ACTN4: variants seen among roughly 807,000 people sequenced by gnomAD.
ACTN4 encodes alpha-actinin-4.
In ACTN4, 18 loss-of-function variants were observed where a neutral mutation model predicts 114.2. The observed-to-expected ratio is 0.16, with a 90% CI of 0.11 to 0.23. The LOEUF (loss-of-function observed/expected upper bound fraction) is 0.23, where lower values mean the gene tolerates loss of function less well. Ranked by LOEUF, ACTN4 falls within the 10% of genes least tolerant of loss-of-function variation. The pLI is 1.00. For missense variants in ACTN4, 722 were observed against 1,262.9 expected, an observed-to-expected ratio of 0.57 and a Z score of 6.49; for synonymous variants, 515 against 506.3, an observed-to-expected ratio of 1.02 and a Z score of -0.23.
chr19:38,729,255 C>T lies in ACTN4; in HGVS notation c.2578-19C>T. 2.5e-6 allele frequency: 4 copies of T among 1,612,758 alleles called. No homozygotes were observed. The South Asian group carries it at 4.4e-5, about 18-fold the overall frequency. On this transcript the variant is annotated intron_variant, in intron 20 of 20. Coordinates refer to ENST00000252699, the MANE Select transcript of ACTN4 (RefSeq NM_004924.6). ...TGTGTGGGTGGGGATGGCTCAGAGT[C>T]CCATCCTGCCTGCCCCAGAACTTCA...
intron 1 of ACTN4, among the ~76,000 whole-genome samples, chr19:38,659,329 T>G (rs1355313065): frequency 6.6e-6 from 1 of 152,078 alleles, no homozygotes; most frequent in Non-Finnish European, 1.5e-5. Context: ...AGTGCTGGGA[T>G]TACAGGTATG....
At chr19:38,715,920 A>G (rs951370927) in intron 9 of ACTN4, among the ~76,000 whole-genome samples, 2 of 152,100 alleles carry the variant, frequency 1.3e-5, no homozygotes, top group Admixed American at 6.6e-5. Flanking sequence ...TATTTTTTTG[A>G]GATGGAGTTT....
At chr19:38,680,212 GTTTTTTTTTTTTT>G (rs75920199) in intron 1 of ACTN4, among the ~76,000 whole-genome samples, 22,022 of 124,238 alleles carry the variant, frequency 0.18, 2,183 homozygotes, top group Middle Eastern at 0.42. Context: ...AGCTCAGGAA[GTTTTTTTTTTTTT>G]TTTTTTTTTT....
At chr19:38,716,972 C>T in intron 9 of ACTN4, 114 bp from the exon 10 acceptor site, 1 of 1,200,474 alleles carries the variant, frequency 8.3e-7, no homozygotes, top group African/African-American at 1.5e-5. Flanking sequence ...AGGGGTAACC[C>T]CCTAAGGTGG....
chr19:38,712,960 C>G (rs1265280703), intron 8 of ACTN4, among the ~76,000 whole-genome samples: 1 of 135,322 alleles, frequency 7.4e-6, no homozygotes, highest in Non-Finnish European at 1.7e-5. Context: ...TGGCCCCTCT[C>G]TGAGGGGGTA....
At chr19:38,650,984 C>T (rs545622979) in intron 1 of ACTN4, among the ~76,000 whole-genome samples, 20 of 152,128 alleles carry the variant, frequency 1.3e-4, no homozygotes, top group South Asian at 2.1e-4. Flanking sequence ...CCGCCCGCCT[C>T]GGTCTCCCAA....
intron 1 of ACTN4, among the ~76,000 whole-genome samples, chr19:38,671,841 A>G (rs1967138938): frequency 6.6e-6 from 1 of 152,218 alleles, no homozygotes; most frequent in Admixed American, 6.5e-5. Context: ...TAACTTTTTT[A>G]GGCTCTGTTA....
At position 38,717,125 on chromosome 19, in the gene ACTN4, G is replaced by A; in HGVS notation, c.952G>A (p.Asp318Asn). 3.1e-6 allele frequency: 5 copies of A among 1,614,162 alleles called. No individual in the cohort carries two copies. Among genetic ancestry groups the A allele is most frequent in the Non-Finnish European group, 4.2e-6 (5 of 1,180,036 alleles). The change falls in exon 10 of 21, where the codon GAC (aspartate) becomes AAC (asparagine). Residue 318 changes from aspartate (D) to asparagine (N), a missense_variant. By Grantham distance (23) the Asp-to-Asn change is conservative (BLOSUM62 1). Coordinates refer to ENST00000252699, the MANE Select transcript of ACTN4 (RefSeq NM_004924.6). This position sits in a 1 kb window ranked among gnomAD's most constrained non-coding sequence, Gnocchi z 4.0. ...CCGGCGCACCATCCCCTGGCTGGAG[G>A]ACCGTGTGCCCCAAAAGACTATCCA... The part of the protein sequence containing the change: ...WIRRTIPWLE[D>N]RVPQKTIQEM...
intron 9 of ACTN4, among the ~76,000 whole-genome samples, chr19:38,715,818 C>T (rs1051473961): frequency 6.6e-6 from 1 of 152,228 alleles, no homozygotes; most frequent in Non-Finnish European, 1.5e-5. Flanking sequence ...CTTTGAATTT[C>T]TCACTTTGCC....
rs1258171427 is a variant in ACTN4 at position 38,648,921 on chromosome 19, A to G, written c.162+1014A>G. Among the ~76,000 whole-genome samples the G allele has an allele frequency of 2.0e-5, 3 of 151,720 alleles. No homozygotes were observed. The East Asian group carries it at 5.9e-4, about 30-fold the overall frequency. ...GCTGGAATGGTGGATAATGGGAGAG[A>G]GGTTCGTTTAGGAAAATGAAAGTCT... On this transcript the variant is annotated intron_variant, in intron 1 of 20. Coordinates refer to ENST00000252699, the MANE Select transcript of ACTN4 (RefSeq NM_004924.6).
At position 38,717,283 on chromosome 19, in the gene ACTN4, C is replaced by T. The variant is rs202181967; in HGVS notation, c.1110C>T (p.Pro370=). Residue 370 remains proline, a synonymous_variant, in exon 10 of 21, where the codon CCC becomes CCT. Transcript: ENST00000252699. This position sits in a 1 kb window ranked among gnomAD's most constrained non-coding sequence, Gnocchi z 4.0. ...LQTKLRLSNR[P]AFMPSEGKMV... is the part of the protein sequence containing the mutation. ...CCAAGCTGCGCCTCAGCAACCGGCC[C>T]GCCTTCATGCCCTCCGAGGGCAAGA... 89 of 1,613,862 alleles carry T rather than the reference C, an allele frequency of 5.5e-5. No individual in the cohort carries two copies. The highest frequency in any genetic ancestry group is 5.3e-5 in the African/African-American group (4 of 74,864).
intron 5 of ACTN4, among the ~76,000 whole-genome samples, chr19:38,706,488 A>G (rs894185188): frequency 1.3e-5 from 2 of 152,210 alleles, no homozygotes; most frequent in Admixed American, 1.3e-4. Flanking sequence ...GTGATCACTC[A>G]TCCCTGCTGC....
At chr19:38,662,312 G>A (rs940421414) in intron 1 of ACTN4, among the ~76,000 whole-genome samples, 2 of 152,206 alleles carry the variant, frequency 1.3e-5, no homozygotes, top group African/African-American at 4.8e-5. Flanking sequence ...ACAGCACCCA[G>A]CAAGAAGTTA....
intron 1 of ACTN4, among the ~76,000 whole-genome samples, chr19:38,660,134 C>T (rs1976836933): frequency 6.6e-6 from 1 of 152,172 alleles, no homozygotes; most frequent in African/African-American, 2.4e-5. Flanking sequence ...GTTGGCCAGG[C>T]TGGTCTCCAA....
intron 9 of ACTN4, 63 bp downstream of exon 9, chr19:38,714,624 C>T (rs754321985): frequency 5.5e-5 from 85 of 1,533,700 alleles, no homozygotes; most frequent in Middle Eastern, 1.7e-4. Context: ...GTCACTGTGA[C>T]TCTTGCAGGG....
rs1969581250 is a variant in ACTN4 at position 38,731,259 on chromosome 19, A to G, written c.*1827A>G. On this transcript the variant is annotated 3_prime_UTR_variant, in exon 21 of 21. Coordinates refer to ENST00000252699, the MANE Select transcript of ACTN4 (RefSeq NM_004924.6). ...GCTGCTTCTGAGCCCAGTGGCCCAC[A>G]GGGAACCCACCTTGGCATTGCATCC... 1 of 1,555,822 alleles carries G rather than the reference A, an allele frequency of 6.4e-7. No homozygotes were observed. Among genetic ancestry groups the G allele is most frequent in the Non-Finnish European group, 8.8e-7 (1 of 1,130,390 alleles).
chr19:38,719,228 C>T (rs1040867894), intron 11 of ACTN4, among the ~76,000 whole-genome samples: 2 of 152,250 alleles, frequency 1.3e-5, no homozygotes, highest in Non-Finnish European at 2.9e-5. Context: ...ACAAGAGCCA[C>T]TCACAGGACT....
chr19:38,721,651 C>T lies in ACTN4; in HGVS notation c.1405C>T (p.Arg469Cys), dbSNP rs752441330. Residue 469 changes from arginine (R) to cysteine (C), a missense_variant, in exon 12 of 21, where the codon CGC (arginine) becomes TGC (cysteine). Physicochemically the swap from Arg to Cys is radical, Grantham distance 180. This residue lies in a region of ACTN4 where 523 missense variants were observed against 875.9 expected (regional missense o/e 0.60). Transcript: ENST00000252699. ...GAGCGACCTGGCTGCGCACCAGGAC[C>T]GCGTGGAGCAGATCGCCGCCATTGC... ...FESDLAAHQD[R>C]VEQIAAIAQE... 6.2e-7 allele frequency: 1 copy of T among 1,613,896 alleles called. No individual in the cohort carries two copies. The highest frequency in any genetic ancestry group is 1.1e-5 in the South Asian group (1 of 91,084).
chr19:38,729,005 G>A lies in ACTN4; in HGVS notation c.2428G>A (p.Glu810Lys), dbSNP rs1969371881. 5 of 1,613,032 alleles carry A rather than the reference G, an allele frequency of 3.1e-6. No homozygotes were observed. Among genetic ancestry groups the A allele is most frequent in the South Asian group, 1.1e-5 (1 of 91,058 alleles). Residue 810 changes from glutamate (E) to lysine (K), a missense_variant, in exon 20 of 21, where the codon GAG becomes AAG. Glu to Lys is a moderately conservative substitution (Grantham distance 56, BLOSUM62 1). Coordinates refer to ENST00000252699, the MANE Select transcript of ACTN4 (RefSeq NM_004924.6). ...DVENDRQGEA[E>K]FNRIMSLVDP... Reference sequence around the variant, plus strand: ...CACCCTCTCCTTGCAGGGTGAGGCCGAGTTCAACCGCATCATGAGCCTGGT... The same window carrying A: ...CACCCTCTCCTTGCAGGGTGAGGCCAAGTTCAACCGCATCATGAGCCTGGT...
Sources: gnomAD v4.1 joint callset for allele counts (sites outside exome capture counted in the v4.1 genomes callset) on GRCh38, gnomAD v4.1.1 for gene constraint, gnomAD v4.1.1 regional missense constraint, Gnocchi (gnomAD v3.1) non-coding constraint, MANE v1.5 for transcripts, NCBI Gene and HGNC (gene_info 2026-07-23, HGNC 2026-07-21) for gene names.